PCDHB5: variants seen among roughly 807,000 people sequenced by gnomAD.
PCDHB5 encodes protocadherin beta-5.
For missense variants in PCDHB5, 1,125 were observed against 1,029.4 expected, an observed-to-expected ratio of 1.09 and a Z score of -1.27; for synonymous variants, 569 against 462.2, an observed-to-expected ratio of 1.23 and a Z score of -2.96.
Position 141,136,316 on chromosome 5 carries a change from C to T in PCDHB5, c.882C>T (p.Asp294=). ...AAGTTACTCAACCATTTGTAATAGA[C>T]GAGAAAACAGCAGAAATTCGCCTGA... The part of the protein sequence containing the change: ...GDEVTQPFVI[D]EKTAEIRLKR... Residue 294 remains aspartate (D), a synonymous_variant, in exon 1 of 1, where the codon GAC becomes GAT. Coordinates refer to ENST00000231134, the MANE Select transcript of PCDHB5 (RefSeq NM_015669.5). 3.1e-6 allele frequency: 5 copies of T among 1,614,136 alleles called. No individual in the cohort carries two copies. The highest frequency in any genetic ancestry group is 4.5e-5 in the East Asian group (2 of 44,880).
chr5:141,138,028 A>C lies in PCDHB5; in HGVS notation c.*206A>C. 1 of 522,224 alleles carries C rather than the reference A, an allele frequency of 1.9e-6. No homozygotes were observed. Among genetic ancestry groups the C allele is most frequent in the Non-Finnish European group, 3.4e-6 (1 of 296,838 alleles). 32.3% of individuals were successfully genotyped at this position (522,224 alleles called of 1,614,324 possible). On this transcript the variant is annotated 3_prime_UTR_variant, in exon 1 of 1. Coordinates refer to ENST00000231134, the MANE Select transcript of PCDHB5 (RefSeq NM_015669.5). ...ATTTATTTACATAGTGTCATTCCAA[A>C]TCCATGCATGCTGTTGATTTTCCTG...
Position 141,138,002 on chromosome 5 carries a change from C to T in PCDHB5, c.*180C>T. The T allele has an allele frequency of 1.6e-6, 1 of 608,610 alleles. No homozygotes were observed. Among genetic ancestry groups the T allele is most frequent in the Non-Finnish European group, 2.9e-6 (1 of 350,438 alleles). The allele number at this position is 608,610 out of a possible 1,614,324, so 37.7% of individuals were successfully genotyped here. ...TTGAAAAGTCAATTTTATTTCATTG[C>T]ATTTATTTACATAGTGTCATTCCAA... is the stretch of plus-strand genomic sequence containing the variant. On this transcript the variant is annotated 3_prime_UTR_variant, in exon 1 of 1. Transcript: ENST00000231134.
Position 141,137,928 on chromosome 5 carries a change from A to T in PCDHB5, c.*106A>T. On this transcript the variant is annotated 3_prime_UTR_variant, in exon 1 of 1. Transcript: ENST00000231134. ...AATTTCACCTTGAGATTGAGCTTTT[A>T]TTTCCCTTTTTAATGGATTTGTCTG... is the stretch of plus-strand genomic sequence containing the variant. 9.5e-7 allele frequency: 1 copy of T among 1,047,592 alleles called. No individual in the cohort carries two copies. The highest frequency in any genetic ancestry group is 1.4e-6 in the Non-Finnish European group (1 of 717,554). The allele number at this position is 1,047,592 out of a possible 1,614,324, so 64.9% of individuals were successfully genotyped here. A position where few individuals can be genotyped will look rare whatever the true frequency, so the allele number is the denominator to read the frequency against.
At position 141,135,465 on chromosome 5, in the gene PCDHB5, A is replaced by G; in HGVS notation, c.31A>G (p.Lys11Glu). 1 of 1,612,798 alleles carries G rather than the reference A, an allele frequency of 6.2e-7. No individual in the cohort carries two copies. The highest frequency in any genetic ancestry group is 8.5e-7 in the Non-Finnish European group (1 of 1,179,480). The change falls in exon 1 of 1, where the codon AAA (lysine) becomes GAA (glutamate). Residue 11 changes from lysine to glutamate, a missense_variant. Lys to Glu is a moderately conservative substitution (Grantham distance 56). Transcript: ENST00000231134. The stretch of plus-strand genomic sequence containing the variant: ...GACTGCGCTAGCAAAAACGCCACAG[A>G]AAAGGCAAGTTATGTTTCTTGCTAT... METALAKTPQ[K>E]RQVMFLAILL...
At position 141,137,810 on chromosome 5, in the gene PCDHB5, T is replaced by C. The variant is rs1305419314; in HGVS notation, c.2376T>C (p.Phe792=). The C allele has an allele frequency of 6.3e-7, 1 of 1,598,378 alleles. No homozygotes were observed. The highest frequency in any genetic ancestry group is 8.5e-7 in the Non-Finnish European group (1 of 1,172,310). The part of the protein sequence containing the change: ...IGKTAAFRNS[F]GLN ...AAACTGCTGCCTTCCGGAATAGCTTTGGATTAAATTAGAGATCTCGTGATG... is the reference window on the plus strand; with the variant it reads ...AAACTGCTGCCTTCCGGAATAGCTTCGGATTAAATTAGAGATCTCGTGATG... The change falls in exon 1 of 1, where the codon TTT becomes TTC. Residue 792 remains phenylalanine (F), a synonymous_variant. Transcript: ENST00000231134.
Position 141,135,565 on chromosome 5 carries a change from C to T in PCDHB5, c.131C>T (p.Ser44Phe). 6.2e-7 allele frequency: 1 copy of T among 1,614,174 alleles called. No homozygotes were observed. Among genetic ancestry groups the T allele is most frequent in the Non-Finnish European group, 8.5e-7 (1 of 1,180,030 alleles). ...SIPEETESGY[S>F]VANLAKDLGL... ...CCAGAAGAAACAGAAAGTGGCTATT[C>T]TGTGGCCAACCTGGCAAAAGACCTG... is the stretch of plus-strand genomic sequence containing the variant. The change falls in exon 1 of 1, where the codon TCT (serine) becomes TTT (phenylalanine). Residue 44 changes from serine (S) to phenylalanine (F), a missense_variant. By Grantham distance (155) the Ser-to-Phe change is radical. Coordinates refer to ENST00000231134, the MANE Select transcript of PCDHB5 (RefSeq NM_015669.5).
chr5:141,136,499 C>G lies in PCDHB5; in HGVS notation c.1065C>G (p.Thr355=), dbSNP rs782450075. The part of the protein sequence containing the change: ...ELTMSTLSSP[T]PENAPETVVA... ...CCATGTCTACGCTCTCCAGCCCTACCCCAGAAAATGCCCCGGAAACTGTAG... is the reference window on the plus strand; with the variant it reads ...CCATGTCTACGCTCTCCAGCCCTACGCCAGAAAATGCCCCGGAAACTGTAG... The change falls in exon 1 of 1, where the codon ACC becomes ACG. Residue 355 remains threonine, a synonymous_variant. Transcript: ENST00000231134. The G allele has an allele frequency of 5.2e-5, 84 of 1,614,002 alleles. 1 individual carries two copies. The South Asian group carries it at 8.9e-4, about 17-fold the overall frequency.
rs782103265 is a variant in PCDHB5, at chr5:141,135,396, T to A, written c.-39T>A. The A allele has an allele frequency of 3.7e-6, 5 of 1,364,578 alleles. No individual in the cohort carries two copies. The South Asian group carries it at 5.4e-5, about 15-fold the overall frequency. The allele number at this position is 1,364,578 out of a possible 1,614,324, so 84.5% of individuals were successfully genotyped here. ...ATGCAAATCATCTGGGTGGATTGTGTACGGAGTTAAACTGCGCCTTCTGGA... is the reference window on the plus strand; with the variant it reads ...ATGCAAATCATCTGGGTGGATTGTGAACGGAGTTAAACTGCGCCTTCTGGA... On this transcript the variant is annotated 5_prime_UTR_variant, in exon 1 of 1. Coordinates refer to ENST00000231134, the MANE Select transcript of PCDHB5 (RefSeq NM_015669.5).
chr5:141,137,120 T>C lies in PCDHB5; in HGVS notation c.1686T>C (p.Tyr562=), dbSNP rs201509466. 3.0e-4 allele frequency: 477 copies of C among 1,611,508 alleles called. 6 individuals carry two copies. Among genetic ancestry groups the C allele is most frequent in the South Asian group, 2.2e-3 (196 of 90,956 alleles). ...ACGACAACTCGCCCTTCGTGCTGTATCCGCTGCAGAACGGCTCGGCGCCTT... is the reference window on the plus strand; with the variant it reads ...ACGACAACTCGCCCTTCGTGCTGTACCCGCTGCAGAACGGCTCGGCGCCTT... ...DANDNSPFVL[Y]PLQNGSAPCT... is the part of the protein sequence containing the mutation. The change falls in exon 1 of 1, where the codon TAT becomes TAC. Residue 562 remains tyrosine (Y), a synonymous_variant. Coordinates refer to ENST00000231134, the MANE Select transcript of PCDHB5 (RefSeq NM_015669.5).
At position 141,137,438 on chromosome 5, in the gene PCDHB5, C is replaced by G. The variant is rs782521913; in HGVS notation, c.2004C>G (p.Pro668=). 2.5e-6 allele frequency: 4 copies of G among 1,612,190 alleles called. No homozygotes were observed. Among genetic ancestry groups the G allele is most frequent in the African/African-American group, 2.7e-5 (2 of 75,026 alleles). The change falls in exon 1 of 1, where the codon CCC becomes CCG. Residue 668 remains proline (P), a synonymous_variant. Transcript: ENST00000231134. ...HVLLVDGFSQ[P]YLPLPEAAPA... ...TCCTGGTGGACGGCTTCTCCCAGCC[C>G]TACCTGCCGCTGCCGGAGGCGGCCC...
chr5:141,136,804 T>C lies in PCDHB5; in HGVS notation c.1370T>C (p.Leu457Pro). The C allele has an allele frequency of 6.2e-7, 1 of 1,613,682 alleles. No homozygotes were observed. Among genetic ancestry groups the C allele is most frequent in the Non-Finnish European group, 8.5e-7 (1 of 1,180,014 alleles). ...GCCTTCACCCAAACCTCCTACACCC[T>C]GTTCGTCCGAGAGAACAACAGCCCC... ...APAFTQTSYT[L>P]FVRENNSPAL... The change falls in exon 1 of 1, where the codon CTG becomes CCG. Residue 457 changes from leucine (L) to proline (P), a missense_variant. Coordinates refer to ENST00000231134, the MANE Select transcript of PCDHB5 (RefSeq NM_015669.5).
Position 141,136,218 on chromosome 5 carries a change from GT to G in PCDHB5, c.785del (p.Val262AlafsTer8). ...PENSPLNSLV[V>X]VVSARDLDAG... is the part of the protein sequence containing the mutation. ...GAACAGCCCCCTTAACTCCTTAGTT[GT>G]CGTTGTCTCCGCTCGAGATTTAGAT... On this transcript the variant is annotated frameshift_variant, in exon 1 of 1. Coordinates refer to ENST00000231134, the MANE Select transcript of PCDHB5 (RefSeq NM_015669.5). LOFTEE classifies it low-confidence loss of function (END_TRUNC). The G allele has an allele frequency of 6.2e-7, 1 of 1,614,064 alleles. No individual in the cohort carries two copies. Among genetic ancestry groups the G allele is most frequent in the Non-Finnish European group, 8.5e-7 (1 of 1,179,936 alleles).
At position 141,137,884 on chromosome 5, in the gene PCDHB5, C is replaced by T. The variant is rs970073814; in HGVS notation, c.*62C>T. ...CCCAAACTTTTTCAGATCTAGAATT[C>T]GAGAGTGTCATGGACAAAAATTTCA... On this transcript the variant is annotated 3_prime_UTR_variant, in exon 1 of 1. Coordinates refer to ENST00000231134, the MANE Select transcript of PCDHB5 (RefSeq NM_015669.5). 7.5e-6 allele frequency: 11 copies of T among 1,458,328 alleles called. No individual in the cohort carries two copies. Among genetic ancestry groups the T allele is most frequent in the African/African-American group, 2.8e-5 (2 of 70,558 alleles). The allele number at this position is 1,458,328 out of a possible 1,614,324, so 90.3% of individuals were successfully genotyped here.
In PCDHB5 at chr5:141,136,735, A is replaced by G. The variant is rs782117304; in HGVS notation, c.1301A>G (p.His434Arg). 6 of 1,614,134 alleles carry G rather than the reference A, an allele frequency of 3.7e-6. No individual in the cohort carries two copies. Among genetic ancestry groups the G allele is most frequent in the Non-Finnish European group, 5.1e-6 (6 of 1,180,016 alleles). ...DMGTPRLKTEHNITVLVSDVN... is the reference protein window; with the variant it reads ...DMGTPRLKTERNITVLVSDVN... Reference sequence around the variant, plus strand: ...GGGACACCCAGGCTGAAAACCGAGCACAACATAACGGTCCTGGTCTCCGAC... The same window carrying G: ...GGGACACCCAGGCTGAAAACCGAGCGCAACATAACGGTCCTGGTCTCCGAC... The change falls in exon 1 of 1, where the codon CAC becomes CGC. Residue 434 changes from histidine to arginine, a missense_variant. By Grantham distance (29) the His-to-Arg change is conservative. Coordinates refer to ENST00000231134, the MANE Select transcript of PCDHB5 (RefSeq NM_015669.5).
rs1554276103 is a variant in PCDHB5 at position 141,137,078 on chromosome 5, G to A, written c.1644G>A (p.Val548=). The change falls in exon 1 of 1, where the codon GTG becomes GTA. Residue 548 remains valine (V), a synonymous_variant. Coordinates refer to ENST00000231134, the MANE Select transcript of PCDHB5 (RefSeq NM_015669.5). ...PALSSEALVR[V]LVLDANDNSP... The stretch of plus-strand genomic sequence containing the variant: ...TGAGCAGCGAGGCGCTGGTGCGCGT[G>A]CTGGTGCTGGACGCCAACGACAACT... The A allele has an allele frequency of 5.6e-6, 9 of 1,611,540 alleles. No homozygotes were observed. Among genetic ancestry groups the A allele is most frequent in the East Asian group, 2.2e-5 (1 of 44,872 alleles).
In PCDHB5 at chr5:141,136,892, C is replaced by A. The variant is rs112955864; in HGVS notation, c.1458C>A (p.Thr486=). The part of the protein sequence containing the change: ...DRDSGTNAQV[T]YSLLPPQNPH... Reference sequence around the variant, plus strand: ...ACTCAGGCACCAACGCCCAGGTCACCTACTCGCTGCTGCCGCCCCAGAACC... The same window carrying A: ...ACTCAGGCACCAACGCCCAGGTCACATACTCGCTGCTGCCGCCCCAGAACC... Residue 486 remains threonine (T), a synonymous_variant, in exon 1 of 1, where the codon ACC becomes ACA. Coordinates refer to ENST00000231134, the MANE Select transcript of PCDHB5 (RefSeq NM_015669.5). The A allele has an allele frequency of 5.0e-6, 8 of 1,612,622 alleles. No homozygotes were observed. Among genetic ancestry groups the A allele is most frequent in the South Asian group, 4.4e-5 (4 of 91,004 alleles).
In PCDHB5 at chr5:141,135,741, A is replaced by T; in HGVS notation, c.307A>T (p.Ile103Leu). 6.2e-7 allele frequency: 1 copy of T among 1,614,142 alleles called. No homozygotes were observed. The highest frequency in any genetic ancestry group is 8.5e-7 in the Non-Finnish European group (1 of 1,179,998). ...GATGTGCGGGGCGACAGAACCCTGTATATTGCATTTCCAGCTCTTACTAGA... is the reference window on the plus strand; with the variant it reads ...GATGTGCGGGGCGACAGAACCCTGTTTATTGCATTTCCAGCTCTTACTAGA... ...EVMCGATEPC[I>L]LHFQLLLENP... The change falls in exon 1 of 1, where the codon ATA becomes TTA. Residue 103 changes from isoleucine (I) to leucine (L), a missense_variant. Physicochemically the swap from Ile to Leu is conservative, Grantham distance 5. Coordinates refer to ENST00000231134, the MANE Select transcript of PCDHB5 (RefSeq NM_015669.5).
rs1438588601 is a variant in PCDHB5, at chr5:141,136,936, C to G, written c.1502C>G (p.Ser501Cys). 2.5e-6 allele frequency: 4 copies of G among 1,612,634 alleles called. No individual in the cohort carries two copies. The highest frequency in any genetic ancestry group is 4.5e-5 in the East Asian group (2 of 44,876). ...CAGAACCCACACCTGCGCCTCGCCT[C>G]CCTGGTCTCCATCAACGCGGACAAC... ...PPQNPHLRLASLVSINADNGH... is the reference protein window; with the variant it reads ...PPQNPHLRLACLVSINADNGH... The change falls in exon 1 of 1, where the codon TCC (serine) becomes TGC (cysteine). Residue 501 changes from serine to cysteine, a missense_variant. By Grantham distance (112) the Ser-to-Cys change is moderately radical (BLOSUM62 -1). Transcript: ENST00000231134.
Position 141,136,150 on chromosome 5 carries a change from C to A in PCDHB5, c.716C>A (p.Ala239Asp), listed in dbSNP as rs782107880. ...RIVVLDNNDN[A>D]PEFLQSFYEV... ...GTCGTCTTGGATAATAATGACAACG[C>A]CCCCGAATTTTTACAATCATTCTAT... is the stretch of plus-strand genomic sequence containing the variant. The change falls in exon 1 of 1, where the codon GCC (alanine) becomes GAC (aspartate). Residue 239 changes from alanine to aspartate, a missense_variant. Coordinates refer to ENST00000231134, the MANE Select transcript of PCDHB5 (RefSeq NM_015669.5). The A allele has an allele frequency of 1.2e-6, 2 of 1,614,004 alleles. No individual in the cohort carries two copies. Among genetic ancestry groups the A allele is most frequent in the Non-Finnish European group, 1.7e-6 (2 of 1,179,974 alleles).
Sources: allele counts gnomAD v4.1 joint callset, GRCh38; gene constraint gnomAD v4.1.1; transcripts MANE v1.5; gene names NCBI Gene and HGNC (gene_info 2026-07-23, HGNC 2026-07-21).